CEACAM20: variants seen among roughly 807,000 people sequenced by gnomAD.
CEACAM20 encodes the protein cell adhesion molecule CEACAM20.
A neutral mutation model predicts 61.2 loss-of-function variants in CEACAM20; 50 were observed. The ratio of observed to expected loss-of-function variants is 0.82; its 90% CI spans 0.65 to 1.03. The LOEUF (loss-of-function observed/expected upper bound fraction) is 1.03. Among genes scored for constraint, CEACAM20 ranks in the 50% least tolerant of loss-of-function variants. The pLI is 0.00. For missense variants in CEACAM20, 683 were observed against 736.4 expected, an observed-to-expected ratio of 0.93 and a Z score of 0.84; for synonymous variants, 282 against 287.7, an observed-to-expected ratio of 0.98 and a Z score of 0.20.
intron 4 of CEACAM20, among the ~76,000 whole-genome samples, chr19:44,522,398 C>T (rs1326272588): frequency 1.3e-5 from 2 of 152,084 alleles, no homozygotes; most frequent in African/African-American, 2.4e-5. Flanking sequence ...CCACTGCACC[C>T]GGCCTCTTAA....
Position 44,517,061 on chromosome 19 carries a change from A to AC in CEACAM20, c.1193dup (p.Glu399Ter). ...TCAGAGCCCTGATAATCAGCTGCTC[A>AC]CCCAGGTGCTCCCCGGTGGAGTGTT... On this transcript the variant is annotated frameshift_variant, in exon 6 of 12. Transcript: ENST00000614924. LOFTEE classifies it high-confidence loss of function. 1 of 1,606,072 alleles carries AC rather than the reference A, an allele frequency of 6.2e-7. No homozygotes were observed. Among genetic ancestry groups the AC allele is most frequent in the African/African-American group, 1.3e-5 (1 of 74,914 alleles).
At chr19:44,522,433 C>T (rs2123617808) in intron 4 of CEACAM20, among the ~76,000 whole-genome samples, 1 of 152,166 alleles carries the variant, frequency 6.6e-6, no homozygotes, top group African/African-American at 2.4e-5. Flanking sequence ...GTTCAAGATC[C>T]CTTCAAAAAT....
chr19:44,527,009 C>A (rs533992769), intron 1 of CEACAM20, among the ~76,000 whole-genome samples: 1 of 152,264 alleles, frequency 6.6e-6, no homozygotes, highest in Non-Finnish European at 1.5e-5. Flanking sequence ...CTCAAAAGGG[C>A]CCCAATGTGG....
At position 44,524,120 on chromosome 19, in the gene CEACAM20, C is replaced by A. The variant is rs13345196; in HGVS notation, c.338G>T (p.Arg113Leu). 3 of 1,610,638 alleles carry A rather than the reference C, an allele frequency of 1.9e-6. No homozygotes were observed. The highest frequency in any genetic ancestry group is 2.2e-5 in the South Asian group (2 of 90,214). ...CTTGCCATCCTTGGACAGCTGCATG[C>A]GCTCATGGAACACAATGGAGAGGTT... is the stretch of plus-strand genomic sequence containing the variant. ...SNNLSIVFHERMQLSKDGKIL... is the reference protein window; with the variant it reads ...SNNLSIVFHELMQLSKDGKIL... The change falls in exon 3 of 12, where the codon CGC (arginine) becomes CTC (leucine). Residue 113 changes from arginine (R) to leucine (L), a missense_variant. By Grantham distance (102) the Arg-to-Leu change is moderately radical (BLOSUM62 -2). Coordinates refer to ENST00000614924, the MANE Select transcript of CEACAM20 (RefSeq NM_001102597.3).
chr19:44,527,094 C>T (rs1022290292), intron 1 of CEACAM20, among the ~76,000 whole-genome samples: 2 of 152,172 alleles, frequency 1.3e-5, no homozygotes, highest in Admixed American at 1.3e-4. Context: ...TGAACTCTGT[C>T]ACTTACTAGC....
At chr19:44,523,866 T>A (rs958500004) in intron 3 of CEACAM20, 120 bp downstream of exon 3, 2 of 1,088,462 alleles carry the variant, frequency 1.8e-6, no homozygotes, top group African/African-American at 3.2e-5. Context: ...AACAGTTATA[T>A]GTCTGAAGTT....
intron 2 of CEACAM20, among the ~76,000 whole-genome samples, chr19:44,524,750 T>G (rs1971475640): frequency 6.6e-6 from 1 of 152,034 alleles, no homozygotes; most frequent in Non-Finnish European, 1.5e-5. Context: ...TGGAGGATTT[T>G]GTGTTTTTTT....
Position 44,510,611 on chromosome 19 carries a change from A to AGAAAGAAAGAAAGAAAGGAAGGAAGG in CEACAM20, c.1737+418_1737+419insCCTTCCTTCCTTTCTTTCTTTCTTTC, listed in dbSNP as rs71171251. Among the ~76,000 whole-genome samples, 16 of 72,414 alleles carry AGAAAGAAAGAAAGAAAGGAAGGAAGG rather than the reference A, an allele frequency of 2.2e-4. 2 individuals are homozygous for AGAAAGAAAGAAAGAAAGGAAGGAAGG. Among genetic ancestry groups the AGAAAGAAAGAAAGAAAGGAAGGAAGG allele is most frequent in the African/African-American group, 9.6e-4 (15 of 15,660 alleles). The allele number at this position is 72,414 out of a possible 152,430, so 47.5% of individuals were successfully genotyped here. On this transcript the variant is annotated intron_variant, in intron 11 of 11. Transcript: ENST00000614924. ...AAGAAAGAAAGAAAGAAAGAAAGAA[A>AGAAAGAAAGAAAGAAAGGAAGGAAGG]AAGGAAGGAAGGAAGAAAGAAAGAG...
At chr19:44,518,033 G>A (rs116656873) in intron 5 of CEACAM20, among the ~76,000 whole-genome samples, 2,151 of 150,628 alleles carry the variant, frequency 0.014, 64 homozygotes, top group African/African-American at 0.05. Context: ...GCAAGATTGT[G>A]CCACTGCACT....
Position 44,510,596 on chromosome 19 carries a change from GAAAGAAAGAAAGAAA to G in CEACAM20, c.1737+419_1737+433del, listed in dbSNP as rs1568162443. The stretch of plus-strand genomic sequence containing the variant: ...AGAAAGAAAGAAAGAAAGAAAGAAA[GAAAGAAAGAAAGAAA>G]AAGGAAGGAAGGAAGAAAGAAAGAG... On this transcript the variant is annotated intron_variant, in intron 11 of 11. Transcript: ENST00000614924. Among the ~76,000 whole-genome samples, 203 of 62,816 alleles carry G rather than the reference GAAAGAAAGAAAGAAA, an allele frequency of 3.2e-3. 13 individuals carry two copies. Among genetic ancestry groups the G allele is most frequent in the African/African-American group, 0.014 (185 of 13,568 alleles). 41.2% of individuals were successfully genotyped at this position (62,816 alleles called of 152,430 possible).
chr19:44,525,827 G>T (rs553747157), intron 1 of CEACAM20, among the ~76,000 whole-genome samples: 1 of 152,272 alleles, frequency 6.6e-6, no homozygotes, highest in African/African-American at 2.4e-5. Context: ...GTTGTTGTGG[G>T]GGTGGCAATG....
At chr19:44,506,804 C>T (rs765757167) in intron 11 of CEACAM20, among the ~76,000 whole-genome samples, 15 of 152,222 alleles carry the variant, frequency 9.9e-5, no homozygotes, top group Non-Finnish European at 1.6e-4. Flanking sequence ...TGACTGGCAC[C>T]TTGATTATAC....
chr19:44,516,472 A>G (rs1219781174), intron 6 of CEACAM20, among the ~76,000 whole-genome samples: 2 of 152,136 alleles, frequency 1.3e-5, no homozygotes, highest in African/African-American at 4.8e-5. Context: ...AATAAGTCTC[A>G]CGAGATCTGA....
At chr19:44,518,235 A>AAAGG (rs1359785245) in intron 5 of CEACAM20, among the ~76,000 whole-genome samples, 1,340 of 52,632 alleles carry the variant, frequency 0.025, 17 homozygotes, top group Non-Finnish European at 0.025. Context: ...AGAGAGAGAG[A>AAAGG]AAGGAAGGAA....
chr19:44,526,487 G>T (rs998773057), intron 1 of CEACAM20, among the ~76,000 whole-genome samples: 1 of 145,878 alleles, frequency 6.9e-6, no homozygotes, highest in Non-Finnish European at 1.5e-5. Flanking sequence ...CCTGGGTGAC[G>T]GCAAAATCCT....
At position 44,513,262 on chromosome 19, in the gene CEACAM20, C is replaced by T. The variant is rs1971060291; in HGVS notation, c.1337G>A (p.Gly446Glu). 1 of 1,613,766 alleles carries T rather than the reference C, an allele frequency of 6.2e-7. No individual in the cohort carries two copies. The highest frequency in any genetic ancestry group is 1.1e-5 in the South Asian group (1 of 91,072). Residue 446 changes from glycine to glutamate, a missense_variant, in exon 7 of 12, where the codon GGG becomes GAG. By Grantham distance (98) the Gly-to-Glu change is moderately conservative (BLOSUM62 -2). Transcript: ENST00000614924. The part of the protein sequence containing the change: ...VGPQSSSLSS[G>E]AIAGIVIGIL... The stretch of plus-strand genomic sequence containing the variant: ...CCCGATGACAATACCAGCGATGGCC[C>T]CTGAGGACAGGGAGGAGGACTGGGG...
chr19:44,518,137 AG>A (rs879447767), intron 5 of CEACAM20, among the ~76,000 whole-genome samples: 15,183 of 119,604 alleles, frequency 0.13, 1,610 homozygotes, highest in East Asian at 0.16. Flanking sequence ...GAAGGAAGGA[AG>A]GAAGGAAGGA....
chr19:44,514,319 G>A (rs1277401920), intron 6 of CEACAM20, among the ~76,000 whole-genome samples: 2 of 152,124 alleles, frequency 1.3e-5, no homozygotes, highest in African/African-American at 4.8e-5. Flanking sequence ...CTCTCAAAAG[G>A]GTGGAATCGA....
intron 4 of CEACAM20, among the ~76,000 whole-genome samples, 162 bp from the exon 5 acceptor site, chr19:44,520,914 C>T (rs1397913332): frequency 2.6e-5 from 4 of 151,388 alleles, no homozygotes; most frequent in Admixed American, 6.6e-5. Context: ...GTGCGGGGTA[C>T]GTGTATGTCT....
Sources: allele counts gnomAD v4.1 joint callset (sites outside exome capture counted in the v4.1 genomes callset), GRCh38; gene constraint gnomAD v4.1.1; transcripts MANE v1.5; gene names NCBI Gene and HGNC (gene_info 2026-07-23, HGNC 2026-07-21).